AKR1C8: variants seen among roughly 807,000 people sequenced by gnomAD.
AKR1C8 encodes the protein aldo-keto reductase family 1 member C-like protein 1.
chr10:5,120,649 A>G, the AKR1C8 span, among the ~76,000 whole-genome samples: 1 of 152,152 alleles, frequency 6.6e-6, no homozygotes, highest in Non-Finnish European at 1.5e-5. Flanking sequence ...ACAGATTTCT[A>G]CTTAAAGCCT....
the AKR1C8 span, chr10:5,154,228 C>T: frequency 2.1e-6 from 1 of 468,414 alleles, no homozygotes; most frequent in East Asian, 7.0e-5. Context: ...TCCATTCTGT[C>T]AAAGAGTTTT....
At chr10:5,177,103 T>C in the AKR1C8 span, among the ~76,000 whole-genome samples, 1 of 152,216 alleles carries the variant, frequency 6.6e-6, no homozygotes, top group Non-Finnish European at 1.5e-5. Flanking sequence ...AGTATGATAT[T>C]AGCTGTGGGT....
the AKR1C8 span, among the ~76,000 whole-genome samples, chr10:5,147,523 G>A: frequency 3.3e-5 from 5 of 151,174 alleles, no homozygotes; most frequent in Admixed American, 2.0e-4. Context: ...TTTTCCAGAA[G>A]GTAAAAAATT....
chr10:5,180,252 TTGTC>T, the AKR1C8 span, among the ~76,000 whole-genome samples: 1 of 152,200 alleles, frequency 6.6e-6, no homozygotes, highest in Non-Finnish European at 1.5e-5. Flanking sequence ...CAGACCCTGT[TTGTC>T]TGGGTATCCG....
chr10:5,167,207 C>G, the AKR1C8 span, among the ~76,000 whole-genome samples: 3 of 152,088 alleles, frequency 2.0e-5, no homozygotes, highest in Admixed American at 2.0e-4. Context: ...TAGTTCAACC[C>G]TTATGGAAGT....
chr10:5,130,627 G>A, the AKR1C8 span, among the ~76,000 whole-genome samples: 1 of 151,750 alleles, frequency 6.6e-6, no homozygotes, highest in African/African-American at 2.4e-5. Context: ...CCATAAACCA[G>A]CAACAACCAT....
At chr10:5,138,618 TTAAAG>T in the AKR1C8 span, among the ~76,000 whole-genome samples, 2 of 152,140 alleles carry the variant, frequency 1.3e-5, no homozygotes, top group Admixed American at 6.6e-5. Flanking sequence ...GATTAAGAGA[TTAAAG>T]TAAAGACAGG....
At chr10:5,160,052 T>G in the AKR1C8 span, 1 of 376,914 alleles carries the variant, frequency 2.7e-6, no homozygotes, top group Non-Finnish European at 5.4e-6. Context: ...TAAATTTTTC[T>G]TTTCAATTGG....
the AKR1C8 span, among the ~76,000 whole-genome samples, chr10:5,163,993 G>T: frequency 6.6e-6 from 1 of 152,104 alleles, no homozygotes. Context: ...TTTTGTGGAC[G>T]TGTACACTGT....
chr10:5,161,769 T>C, the AKR1C8 span: 2 of 534,580 alleles, frequency 3.7e-6, no homozygotes, highest in Non-Finnish European at 3.8e-6. Flanking sequence ...GGAAGAACCC[T>C]GGAAACCAAG....
chr10:5,169,077 C>T, the AKR1C8 span, among the ~76,000 whole-genome samples: 1 of 95,724 alleles, frequency 1.0e-5, no homozygotes, highest in African/African-American at 3.6e-5. Context: ...CAAAAGGAAA[C>T]TACAAAAACA....
At chr10:5,164,623 G>A in the AKR1C8 span, among the ~76,000 whole-genome samples, 1 of 152,118 alleles carries the variant, frequency 6.6e-6, no homozygotes, top group Non-Finnish European at 1.5e-5. Context: ...GCAGCTGCCA[G>A]CCTTACAAGA....
the AKR1C8 span, among the ~76,000 whole-genome samples, chr10:5,164,998 C>T: frequency 6.6e-6 from 1 of 152,068 alleles, no homozygotes; most frequent in Admixed American, 6.6e-5. Context: ...GTAAACTCAG[C>T]CAGTGTTGTA....
At chr10:5,152,253 A>G in the AKR1C8 span, among the ~76,000 whole-genome samples, 1 of 152,200 alleles carries the variant, frequency 6.6e-6, no homozygotes. Context: ...GGTGTGCTAT[A>G]GTTTTTTGAA....
the AKR1C8 span, chr10:5,132,823 T>C: frequency 3.9e-6 from 3 of 770,810 alleles, no homozygotes; most frequent in Admixed American, 2.8e-5. Flanking sequence ...AACAGGTAGT[T>C]CAGGCACAAA....
chr10:5,151,984 T>C, the AKR1C8 span, among the ~76,000 whole-genome samples: 3 of 152,142 alleles, frequency 2.0e-5, no homozygotes, highest in African/African-American at 7.2e-5. Context: ...CAAGTTGAGG[T>C]CTGTACTCAT....
chr10:5,163,116 C>T, the AKR1C8 span: 97 of 421,550 alleles, frequency 2.3e-4, no homozygotes, highest in African/African-American at 1.4e-3. Context: ...TTCTGCTGGC[C>T]GCCTCCTCCA....
chr10:5,134,220 T>TA, the AKR1C8 span, among the ~76,000 whole-genome samples: 1 of 152,158 alleles, frequency 6.6e-6, no homozygotes, highest in South Asian at 2.1e-4. Flanking sequence ...TTACCAAGGC[T>TA]AAAGCTTCCA....
the AKR1C8 span, among the ~76,000 whole-genome samples, chr10:5,119,458 A>G: frequency 2.0e-5 from 3 of 152,236 alleles, no homozygotes; most frequent in African/African-American, 7.2e-5. Context: ...ATATTTGCAT[A>G]GGAAAATTAT....
Sources: allele counts gnomAD v4.1 joint callset (sites outside exome capture counted in the v4.1 genomes callset), GRCh38; gene constraint gnomAD v4.1.1; transcripts MANE v1.5; gene names NCBI Gene and HGNC (gene_info 2026-07-23, HGNC 2026-07-21).